Variants in AUTS2 observed in about 807,000 individuals in gnomAD.
The protein encoded by AUTS2 is activator of transcription and developmental regulator AUTS2, also known as autism susceptibility gene 2 protein.
AUTS2 carries 17 observed loss-of-function variants against 112.4 expected under a neutral mutation model. The observed-to-expected ratio is 0.15, with a 90% CI of 0.10 to 0.23. The LOEUF (loss-of-function observed/expected upper bound fraction) is 0.23, where lower values mean the gene tolerates loss of function less well. Ranked by LOEUF, AUTS2 falls within the 10% of genes least tolerant of loss-of-function variation. The pLI is 1.00. For synonymous variants in AUTS2, 751 were observed against 702.7 expected, an observed-to-expected ratio of 1.07 and a Z score of -1.09; for missense variants, 1,510 against 1,701.6, an observed-to-expected ratio of 0.89 and a Z score of 1.98.
chr7:70,407,485 C>T (rs1794586852), intron 4 of AUTS2, among the ~76,000 whole-genome samples: 1 of 152,186 alleles, frequency 6.6e-6, no homozygotes, highest in South Asian at 2.1e-4. Flanking sequence ...ATCTCAGCAT[C>T]ACACCCAAGT....
At chr7:70,635,659 G>C (rs1475876449) in intron 5 of AUTS2, among the ~76,000 whole-genome samples, 1 of 152,200 alleles carries the variant, frequency 6.6e-6, no homozygotes, top group Non-Finnish European at 1.5e-5. Flanking sequence ...TTGTTTATCA[G>C]GTACTGTCAG....
intron 1 of AUTS2, among the ~76,000 whole-genome samples, chr7:69,747,785 GT>G (rs1281567191): frequency 4.9e-4 from 4 of 8,224 alleles, no homozygotes; most frequent in African/African-American, 3.8e-3. Flanking sequence ...AAGGAGAGGG[GT>G]GTGTGTGTGT....
At chr7:70,424,736 A>C (rs1488859030) in intron 4 of AUTS2, among the ~76,000 whole-genome samples, 1 of 152,068 alleles carries the variant, frequency 6.6e-6, no homozygotes, top group Non-Finnish European at 1.5e-5. Flanking sequence ...ACAGGCATGC[A>C]TGACCATACC....
At chr7:70,604,544 C>G (rs1421975556) in intron 5 of AUTS2, among the ~76,000 whole-genome samples, 1 of 152,242 alleles carries the variant, frequency 6.6e-6, no homozygotes, top group East Asian at 1.9e-4. Flanking sequence ...ATTCACCTTA[C>G]AGGACAGGTA....
chr7:70,522,012 T>A (rs754708092), intron 5 of AUTS2, among the ~76,000 whole-genome samples: 12 of 152,196 alleles, frequency 7.9e-5, no homozygotes, highest in Non-Finnish European at 1.6e-4. Context: ...AAATACAGAA[T>A]AAGGGGTAGC....
chr7:70,745,169 C>T (rs1213923212), intron 6 of AUTS2, among the ~76,000 whole-genome samples: 1 of 152,094 alleles, frequency 6.6e-6, no homozygotes, highest in African/African-American at 2.4e-5. Flanking sequence ...ACTATCATTA[C>T]GGAGATTTTT....
chr7:70,714,964 A>C (rs1810274849), intron 6 of AUTS2, among the ~76,000 whole-genome samples: 1 of 152,242 alleles, frequency 6.6e-6, no homozygotes, highest in Admixed American at 6.5e-5. Flanking sequence ...CTTTTATCTC[A>C]TGGTCTCATC....
At chr7:69,768,303 C>A (rs569551938) in intron 1 of AUTS2, among the ~76,000 whole-genome samples, 19 of 152,328 alleles carry the variant, frequency 1.2e-4, no homozygotes, top group Admixed American at 7.8e-4. Context: ...TTAGCACTTA[C>A]CATGTGCTAG....
chr7:70,508,836 A>G, intron 5 of AUTS2, among the ~76,000 whole-genome samples: 1 of 152,240 alleles, frequency 6.6e-6, no homozygotes, highest in Non-Finnish European at 1.5e-5. Context: ...ATTAGTTAGG[A>G]TAACATGCTA....
chr7:70,459,616 C>T (rs181522004), intron 5 of AUTS2, among the ~76,000 whole-genome samples: 2 of 152,328 alleles, frequency 1.3e-5, no homozygotes, highest in Non-Finnish European at 2.9e-5. Context: ...TAACCTAAGT[C>T]TAAACTCAGA....
rs1481928441 is a variant in AUTS2 at position 70,790,057 on chromosome 7, G to C, written c.2841G>C (p.Pro947=). 1.6e-5 allele frequency: 25 copies of C among 1,577,866 alleles called. No homozygotes were observed. The highest frequency in any genetic ancestry group is 2.1e-5 in the Non-Finnish European group (24 of 1,163,594). Residue 947 remains proline, a synonymous_variant, in exon 19 of 19, where the codon CCG becomes CCC. Coordinates refer to ENST00000342771, the MANE Select transcript of AUTS2 (RefSeq NM_015570.4). This position sits in a 1 kb window ranked among gnomAD's most constrained non-coding sequence, Gnocchi z 7.6. ...TGCCGTCTCCCTACGTGCGGACCCC[G>C]GTGGTGGAGAGTGCCAGGCCCAACA... The part of the protein sequence containing the change: ...ARVPSPYVRT[P]VVESARPNST...
At chr7:70,781,423 T>C (rs1791070228) in intron 14 of AUTS2, 192 bp from the exon 15 acceptor site, 1 of 520,524 alleles carries the variant, frequency 1.9e-6, no homozygotes. Context: ...ACATTTCTGG[T>C]GTAACAGGCA....
chr7:70,710,026 C>A (rs1235231321), intron 6 of AUTS2, among the ~76,000 whole-genome samples: 1 of 152,118 alleles, frequency 6.6e-6, no homozygotes, highest in Non-Finnish European at 1.5e-5. Context: ...GTATTAACCT[C>A]CAGAATAAGA....
intron 2 of AUTS2, among the ~76,000 whole-genome samples, chr7:69,945,304 G>C (rs1355165807): frequency 2.0e-5 from 3 of 152,066 alleles, no homozygotes; most frequent in African/African-American, 4.8e-5. Flanking sequence ...TCTACTTTCT[G>C]TCTGTGTGGA....
In AUTS2 at chr7:70,791,278, C is replaced by A; in HGVS notation, c.*282C>A. 4.3e-6 allele frequency: 1 copy of A among 230,716 alleles called. No individual in the cohort carries two copies. Among genetic ancestry groups the A allele is most frequent in the Non-Finnish European group, 8.2e-6 (1 of 121,594 alleles). 14.3% of individuals were successfully genotyped at this position (230,716 alleles called of 1,614,324 possible). ...TGAACCAAAACAGTGAAGATGACAACACACACCAATTGGATGATAATTGTA... is the reference window on the plus strand; with the variant it reads ...TGAACCAAAACAGTGAAGATGACAAAACACACCAATTGGATGATAATTGTA... On this transcript the variant is annotated 3_prime_UTR_variant, in exon 19 of 19. Transcript: ENST00000342771.
intron 1 of AUTS2, among the ~76,000 whole-genome samples, chr7:69,776,353 C>T (rs933778562): frequency 1.6e-4 from 24 of 152,138 alleles, no homozygotes; most frequent in African/African-American, 5.6e-4. Flanking sequence ...TAGGGGAAGG[C>T]ATAGAGGAAA....
intron 5 of AUTS2, among the ~76,000 whole-genome samples, chr7:70,619,133 C>G (rs79716317): frequency 3.3e-5 from 5 of 152,272 alleles, no homozygotes; most frequent in East Asian, 3.9e-4. Flanking sequence ...GACCTTCCCC[C>G]CCTCCCCATC....
At chr7:70,037,296 G>T (rs1352526895) in intron 2 of AUTS2, among the ~76,000 whole-genome samples, 1 of 152,184 alleles carries the variant, frequency 6.6e-6, no homozygotes, top group Non-Finnish European at 1.5e-5. Context: ...TATATAGGAT[G>T]AAGAAGTCTG....
chr7:70,754,259 G>T (rs949710638), intron 6 of AUTS2, among the ~76,000 whole-genome samples: 2 of 152,232 alleles, frequency 1.3e-5, no homozygotes, highest in African/African-American at 4.8e-5. Flanking sequence ...GAGAGGCCTA[G>T]GCGGGAGGAT....
Sources: gnomAD v4.1 joint callset for allele counts (sites outside exome capture counted in the v4.1 genomes callset) on GRCh38, gnomAD v4.1.1 for gene constraint, Gnocchi (gnomAD v3.1) non-coding constraint, MANE v1.5 for transcripts, NCBI Gene and HGNC (gene_info 2026-07-23, HGNC 2026-07-21) for gene names.